KIRREL3: variants seen among roughly 807,000 people sequenced by gnomAD.
The protein encoded by KIRREL3 is kin of IRRE-like protein 3.
A neutral mutation model predicts 89.7 loss-of-function variants in KIRREL3; 36 were observed. The ratio of observed to expected loss-of-function variants is 0.40; its 90% CI spans 0.31 to 0.53. KIRREL3 has a LOEUF of 0.53. KIRREL3 is among the 20% of genes least tolerant of loss of function. KIRREL3 has a pLI of 0.49. For synonymous variants in KIRREL3, 445 were observed against 441.4 expected (o/e 1.01, Z -0.10); for missense variants, 864 against 1,056.6 (o/e 0.82, Z 2.53).
In KIRREL3 at chr11:126,656,018, T is replaced by C. The variant is rs149486024; in HGVS notation, c.56-93106A>G. The C allele has an allele frequency of 1.4e-4, 55 of 392,034 alleles. 1 individual carries two copies. In the East Asian group the frequency reaches 1.7e-3, roughly 12 times the overall value. The allele number at this position is 392,034 out of a possible 1,614,324, so 24.3% of individuals were successfully genotyped here. On this transcript the variant is annotated intron_variant, in intron 1 of 16. Coordinates refer to ENST00000525144, the MANE Select transcript of KIRREL3 (RefSeq NM_032531.4). This position sits in a 1 kb window ranked among gnomAD's most constrained non-coding sequence, Gnocchi z 4.0. The stretch of plus-strand genomic sequence containing the variant: ...GCCTTAGAAGCTAATTAGAATCCTC[T>C]AGAAGTGTGTGGAAATGGGAACCTG...
Position 126,576,554 on chromosome 11 carries a change from A to T in KIRREL3, c.56-13642T>A, listed in dbSNP as rs1220011879. Among the ~76,000 whole-genome samples the T allele has an allele frequency of 1.3e-5, 2 of 152,174 alleles. No individual in the cohort carries two copies. Among genetic ancestry groups the T allele is most frequent in the African/African-American group, 4.8e-5 (2 of 41,434 alleles). On this transcript the variant is annotated intron_variant, in intron 1 of 16. Transcript: ENST00000525144. The surrounding 1 kb of genome is among the most constrained non-coding windows in gnomAD (Gnocchi z 5.4). ...AGTTTCATGTGGGTTTGGGCAAATT[A>T]TTAAACATCCCTGGACCTCAGCATC...
At chr11:126,932,180 C>T (rs1285578984) in intron 1 of KIRREL3, among the ~76,000 whole-genome samples, 2 of 152,184 alleles carry the variant, frequency 1.3e-5, no homozygotes, top group African/African-American at 2.4e-5. Flanking sequence ...AGCCTCTCGC[C>T]TGTTTGTCTC....
chr11:126,695,406 CA>C (rs36034228), intron 1 of KIRREL3, among the ~76,000 whole-genome samples: 15,056 of 64,590 alleles, frequency 0.23, 728 homozygotes, highest in African/African-American at 0.32. Context: ...TTAGCTTTAC[CA>C]AAAAAAAAAA....
chr11:126,674,441 A>G (rs145632883), intron 1 of KIRREL3, among the ~76,000 whole-genome samples: 9 of 152,346 alleles, frequency 5.9e-5, no homozygotes, highest in East Asian at 5.8e-4. Context: ...GCCAGTAAAG[A>G]TGATAAGCAG....
rs961287110 is a variant in KIRREL3 at position 126,890,431 on chromosome 11, C to G, written c.55+110024G>C. ...TGACCTATTATCCAGCAACTCCCAT[C>G]TATTTCTGAAAACTCCACGTGCTGG... is the stretch of plus-strand genomic sequence containing the variant. On this transcript the variant is annotated intron_variant, in intron 1 of 16. Transcript: ENST00000525144. The surrounding 1 kb of genome is among the most constrained non-coding windows in gnomAD (Gnocchi z 5.1). 3.3e-5 allele frequency among the ~76,000 whole-genome samples: 5 copies of G among 152,236 alleles called. No individual in the cohort carries two copies. The highest frequency in any genetic ancestry group is 5.9e-5 in the Non-Finnish European group (4 of 68,036).
At chr11:126,854,979 C>A (rs547266883) in intron 1 of KIRREL3, among the ~76,000 whole-genome samples, 1 of 152,270 alleles carries the variant, frequency 6.6e-6, no homozygotes, top group Admixed American at 6.5e-5. Context: ...GGCTGTGGTA[C>A]AGATGTGGAG....
rs915715947 is a variant in KIRREL3 at position 126,987,338 on chromosome 11, C to T, written c.55+13117G>A. 3.3e-5 allele frequency among the ~76,000 whole-genome samples: 5 copies of T among 151,998 alleles called. No individual in the cohort carries two copies. Among genetic ancestry groups the T allele is most frequent in the South Asian group, 2.1e-4 (1 of 4,814 alleles). On this transcript the variant is annotated intron_variant, in intron 1 of 16. Transcript: ENST00000525144. The surrounding 1 kb of genome is among the most constrained non-coding windows in gnomAD (Gnocchi z 4.6). ...AGACAATTTAACTAAAAAATACAAC[C>T]GTCTATGTATTTTCAAACTTTCCTT...
Position 126,817,675 on chromosome 11 carries a change from T to C in KIRREL3, c.55+182780A>G, listed in dbSNP as rs1261035957. 6.6e-6 allele frequency among the ~76,000 whole-genome samples: 1 copy of C among 152,284 alleles called. No homozygotes were observed. The highest frequency in any genetic ancestry group is 1.9e-4 in the East Asian group (1 of 5,170). On this transcript the variant is annotated intron_variant, in intron 1 of 16. Transcript: ENST00000525144. This position sits in a 1 kb window ranked among gnomAD's most constrained non-coding sequence, Gnocchi z 5.7. ...GAAGAGCAATGAGACCAATGCCAGATCCCAGAGGGGTCAGGGAGCTCCACC... is the reference window on the plus strand; with the variant it reads ...GAAGAGCAATGAGACCAATGCCAGACCCCAGAGGGGTCAGGGAGCTCCACC...
chr11:126,713,888 A>G (rs10790821), intron 1 of KIRREL3, among the ~76,000 whole-genome samples: 137,040 of 152,164 alleles, frequency 0.9, 61,831 homozygotes, highest in East Asian at 1. Context: ...GGGGGAGCAC[A>G]GTGCTTGGAG....
intron 1 of KIRREL3, among the ~76,000 whole-genome samples, chr11:126,934,248 C>T (rs1046541959): frequency 2.6e-5 from 4 of 152,124 alleles, no homozygotes; most frequent in African/African-American, 9.7e-5. Flanking sequence ...TCTGAAACAA[C>T]TAGACATTCA....
At position 126,715,841 on chromosome 11, in the gene KIRREL3, G is replaced by A. The variant is rs560007975; in HGVS notation, c.56-152929C>T. On this transcript the variant is annotated intron_variant, in intron 1 of 16. Coordinates refer to ENST00000525144, the MANE Select transcript of KIRREL3 (RefSeq NM_032531.4). The surrounding 1 kb of genome is among the most constrained non-coding windows in gnomAD (Gnocchi z 4.4). ...AGGCCAGTGTTCCACCGTCAAGAGCGCAGAAAAGCCCTTGGTGCTCCTCTG... is the reference window on the plus strand; with the variant it reads ...AGGCCAGTGTTCCACCGTCAAGAGCACAGAAAAGCCCTTGGTGCTCCTCTG... 3.3e-5 allele frequency among the ~76,000 whole-genome samples: 5 copies of A among 152,260 alleles called. No homozygotes were observed. Among genetic ancestry groups the A allele is most frequent in the Middle Eastern group, 3.4e-3 (1 of 294 alleles).
In KIRREL3 at chr11:126,475,668, A is replaced by G. The variant is rs1386289856; in HGVS notation, c.434-2202T>C. On this transcript the variant is annotated intron_variant, in intron 4 of 16. Coordinates refer to ENST00000525144, the MANE Select transcript of KIRREL3 (RefSeq NM_032531.4). This position sits in a 1 kb window ranked among gnomAD's most constrained non-coding sequence, Gnocchi z 7.5. ...AAGCAGGCATGAATGGGATGGATGG[A>G]GAAGACGACCCCCCAGCCGCCCACC... Among the ~76,000 whole-genome samples, 2 of 152,072 alleles carry G rather than the reference A, an allele frequency of 1.3e-5. No homozygotes were observed. Among genetic ancestry groups the G allele is most frequent in the Non-Finnish European group, 2.9e-5 (2 of 68,018 alleles).
At chr11:126,784,787 A>G (rs1193011297) in intron 1 of KIRREL3, among the ~76,000 whole-genome samples, 1 of 152,208 alleles carries the variant, frequency 6.6e-6, no homozygotes, top group African/African-American at 2.4e-5. Context: ...CTTACCCTCT[A>G]TCACCATTTT....
At position 126,526,785 on chromosome 11, in the gene KIRREL3, G is replaced by T; in HGVS notation, c.134-98C>A. On this transcript the variant is annotated intron_variant, in intron 2 of 16. Coordinates refer to ENST00000525144, the MANE Select transcript of KIRREL3 (RefSeq NM_032531.4). The surrounding 1 kb of genome is among the most constrained non-coding windows in gnomAD (Gnocchi z 5.7). ...GAAGCAGAGCAGGGCTGGCGCAGGA[G>T]ACTGAGCCTCCTGAAGCACCTGGCT... 1 of 1,305,502 alleles carries T rather than the reference G, an allele frequency of 7.7e-7. No individual in the cohort carries two copies. The highest frequency in any genetic ancestry group is 2.6e-5 in the East Asian group (1 of 39,128). The allele number at this position is 1,305,502 out of a possible 1,614,324, so 80.9% of individuals were successfully genotyped here. A position where few individuals can be genotyped will look rare whatever the true frequency, so the allele number is the denominator to read the frequency against.
rs1434394399 is a variant in KIRREL3, at chr11:126,689,041, G to GAA, written c.56-126131_56-126130dup. Among the ~76,000 whole-genome samples, 199 of 129,494 alleles carry GAA rather than the reference G, an allele frequency of 1.5e-3. No individual in the cohort carries two copies. The highest frequency in any genetic ancestry group is 6.2e-3 in the African/African-American group (191 of 31,006). 85.0% of individuals were successfully genotyped at this position (129,494 alleles called of 152,430 possible). A position where few individuals can be genotyped will look rare whatever the true frequency, so the allele number is the denominator to read the frequency against. On this transcript the variant is annotated intron_variant, in intron 1 of 16. Transcript: ENST00000525144. The surrounding 1 kb of genome is among the most constrained non-coding windows in gnomAD (Gnocchi z 5.2). ...TATGTGTGTGTGTGTAAGGGGGAGA[G>GAA]AAGAGAGAGAGAGAGAGAGAGAGAG...
intron 5 of KIRREL3, among the ~76,000 whole-genome samples, chr11:126,467,466 T>G (rs1956763388): frequency 6.6e-6 from 1 of 151,938 alleles, no homozygotes; most frequent in Non-Finnish European, 1.5e-5. Flanking sequence ...CGGAAATGGG[T>G]GGGCTGGAGG....
intron 5 of KIRREL3, among the ~76,000 whole-genome samples, chr11:126,472,703 G>GGGGAGAGA (rs139127017): frequency 7.5e-6 from 1 of 134,146 alleles, no homozygotes; most frequent in Non-Finnish European, 1.6e-5. Flanking sequence ...AGGACATAGA[G>GGGGAGAGA]GAGAGAGAGA....
rs34622521 is a variant in KIRREL3, at chr11:126,608,464, CTCTG to C, written c.56-45556_56-45553del. On this transcript the variant is annotated intron_variant, in intron 1 of 16. Coordinates refer to ENST00000525144, the MANE Select transcript of KIRREL3 (RefSeq NM_032531.4). This position sits in a 1 kb window ranked among gnomAD's most constrained non-coding sequence, Gnocchi z 4.9. ...CCAGGTTTAGCCCCTGGTGCCCTTCCTCTGTCTGTGGGAGGTGCGCGTCTGGCAT... is the reference window on the plus strand; with the variant it reads ...CCAGGTTTAGCCCCTGGTGCCCTTCCTCTGTGGGAGGTGCGCGTCTGGCAT... 0.2 allele frequency among the ~76,000 whole-genome samples: 30,259 copies of C among 152,090 alleles called. 3,775 individuals carry two copies. Among genetic ancestry groups the C allele is most frequent in the Non-Finnish European group, 0.28 (19,214 of 67,922 alleles).
chr11:126,475,741 C>A lies in KIRREL3; in HGVS notation c.434-2275G>T, dbSNP rs974803090. On this transcript the variant is annotated intron_variant, in intron 4 of 16. Transcript: ENST00000525144. The surrounding 1 kb of genome is among the most constrained non-coding windows in gnomAD (Gnocchi z 7.5). ...ATGGGCCTCCTTGGGGTGGGCCTGG[C>A]CACAGGGCAAAACGGAGGCGGCTCA... Among the ~76,000 whole-genome samples, 2 of 152,244 alleles carry A rather than the reference C, an allele frequency of 1.3e-5. No homozygotes were observed. Among genetic ancestry groups the A allele is most frequent in the African/African-American group, 4.8e-5 (2 of 41,468 alleles).
Sources: gnomAD v4.1 joint callset for allele counts (sites outside exome capture counted in the v4.1 genomes callset) on GRCh38, gnomAD v4.1.1 for gene constraint, Gnocchi (gnomAD v3.1) non-coding constraint, MANE v1.5 for transcripts, NCBI Gene and HGNC (gene_info 2026-07-23, HGNC 2026-07-21) for gene names.